Variants in MAP2K2 observed in about 807,000 individuals in gnomAD.
The protein encoded by MAP2K2 is dual specificity mitogen-activated protein kinase kinase 2.
A neutral mutation model predicts 43.7 loss-of-function variants in MAP2K2; 24 were observed. The ratio of observed to expected loss-of-function variants is 0.55; its 90% CI spans 0.40 to 0.77. The LOEUF (loss-of-function observed/expected upper bound fraction) is 0.77. MAP2K2 is among the 30% of genes least tolerant of loss of function. MAP2K2 has a pLI of 0.00. For missense variants in MAP2K2, 470 were observed against 566.8 expected (o/e 0.83, Z 1.73); for synonymous variants, 244 against 239.7 (o/e 1.02, Z -0.17).
chr19:4,097,569 G>T (rs1419287302), intron 7 of MAP2K2, among the ~76,000 whole-genome samples: 3 of 152,196 alleles, frequency 2.0e-5, no homozygotes, highest in African/African-American at 7.2e-5. Flanking sequence ...TTAAAAAAAA[G>T]GCAAAAGGAA....
intron 2 of MAP2K2, among the ~76,000 whole-genome samples, chr19:4,112,073 C>G (rs1242425894): frequency 1.3e-5 from 2 of 152,228 alleles, no homozygotes; most frequent in Non-Finnish European, 2.9e-5. Context: ...CAAGGAGCAG[C>G]CTGAGGCTTT....
At chr19:4,108,943 A>G (rs371701851) in intron 3 of MAP2K2, among the ~76,000 whole-genome samples, 3 of 152,186 alleles carry the variant, frequency 2.0e-5, no homozygotes, top group Non-Finnish European at 2.9e-5. Context: ...GCCGCCGGCA[A>G]CGTGACTCTG....
chr19:4,092,048 C>T (rs1322810164), intron 10 of MAP2K2, among the ~76,000 whole-genome samples: 2 of 151,866 alleles, frequency 1.3e-5, no homozygotes, highest in South Asian at 2.1e-4. Context: ...GGGAGGAGGG[C>T]GGGTGCCCTT....
chr19:4,091,297 G>C (rs369042282), intron 10 of MAP2K2, among the ~76,000 whole-genome samples: 1 of 152,310 alleles, frequency 6.6e-6, no homozygotes, highest in African/African-American at 2.4e-5. Flanking sequence ...CCCATGGCTT[G>C]AGAACAAAAG....
At chr19:4,120,395 C>T (rs1419402692) in intron 1 of MAP2K2, among the ~76,000 whole-genome samples, 1 of 152,210 alleles carries the variant, frequency 6.6e-6, no homozygotes, top group Admixed American at 6.5e-5. Flanking sequence ...CTCACTGCAA[C>T]CTCTGCCTCC....
chr19:4,117,497 G>A lies in MAP2K2; in HGVS notation c.225C>T (p.Ile75=), dbSNP rs561400866. 8.9e-5 allele frequency: 144 copies of A among 1,614,174 alleles called. No individual in the cohort carries two copies. The South Asian group carries it at 1.4e-3, about 16-fold the overall frequency. The part of the protein sequence containing the change: ...GELKDDDFER[I]SELGAGNGGV... ...CGCCGTTGCCCGCGCCCAGCTCTGA[G>A]ATCCTTTCGAAGTCATCGTCTTTGA... The change falls in exon 2 of 11, where the codon ATC becomes ATT. Residue 75 remains isoleucine, a synonymous_variant. Coordinates refer to ENST00000262948, the MANE Select transcript of MAP2K2 (RefSeq NM_030662.4).
chr19:4,110,359 T>C (rs2041138173), intron 3 of MAP2K2, 150 bp downstream of exon 3: 2 of 910,226 alleles, frequency 2.2e-6, no homozygotes, highest in African/African-American at 1.7e-5. Flanking sequence ...ATATACATAC[T>C]TGTATGGCAT....
rs1312814035 is a variant in MAP2K2 at position 4,099,319 on chromosome 19, G to A, written c.801C>T (p.Ile267=). The change falls in exon 7 of 11, where the codon ATC becomes ATT. Residue 267 remains isoleucine, a synonymous_variant. Coordinates refer to ENST00000262948, the MANE Select transcript of MAP2K2 (RefSeq NM_030662.4). ...CCAGCTCTTTGGCGTCGGGCGGGGG[G>A]ATGGGGTACCTTCCGACGGCCAGCT... ...LVELAVGRYP[I]PPPDAKELEA... 1.2e-6 allele frequency: 2 copies of A among 1,608,918 alleles called. No individual in the cohort carries two copies. The highest frequency in any genetic ancestry group is 8.5e-7 in the Non-Finnish European group (1 of 1,178,018).
intron 3 of MAP2K2, among the ~76,000 whole-genome samples, chr19:4,108,024 G>A (rs1368531947): frequency 6.6e-6 from 1 of 152,184 alleles, no homozygotes; most frequent in East Asian, 1.9e-4. Flanking sequence ...CCTCACTGGG[G>A]TGGCCTGGGA....
At chr19:4,104,168 G>C (rs2041054110) in intron 3 of MAP2K2, among the ~76,000 whole-genome samples, 1 of 151,722 alleles carries the variant, frequency 6.6e-6, no homozygotes, top group African/African-American at 2.4e-5. Context: ...GGGAGGCTGA[G>C]GCAGGAAGAT....
chr19:4,108,802 G>A (rs571499766), intron 3 of MAP2K2, among the ~76,000 whole-genome samples: 20 of 152,256 alleles, frequency 1.3e-4, no homozygotes, highest in African/African-American at 4.6e-4. Flanking sequence ...CCTGAGTAGC[G>A]AGGGTGCCTG....
At chr19:4,102,708 C>T (rs1318072282) in intron 3 of MAP2K2, 20 of 1,204,558 alleles carry the variant, frequency 1.7e-5, no homozygotes, top group Non-Finnish European at 1.7e-5. Context: ...GAATCAGTTG[C>T]GTGACTCGGC....
intron 7 of MAP2K2, among the ~76,000 whole-genome samples, chr19:4,098,881 G>A (rs1191352382): frequency 6.6e-6 from 1 of 152,264 alleles, no homozygotes; most frequent in African/African-American, 2.4e-5. Flanking sequence ...ACTTTTCTGT[G>A]CGTTTGAATG....
chr19:4,116,901 C>T (rs1419364870), intron 2 of MAP2K2, among the ~76,000 whole-genome samples: 1 of 152,120 alleles, frequency 6.6e-6, no homozygotes, highest in Non-Finnish European at 1.5e-5. Context: ...TGCACTCCAG[C>T]CTGGGCAACA....
chr19:4,094,764 C>A (rs1191980128), intron 9 of MAP2K2: 12 of 543,944 alleles, frequency 2.2e-5, no homozygotes, highest in Non-Finnish European at 1.7e-5. Flanking sequence ...CCTGGTGGGT[C>A]AGAAGCCTGG....
chr19:4,100,871 G>A lies in MAP2K2; in HGVS notation c.705+148C>T, dbSNP rs545384449. On this transcript the variant is annotated intron_variant, in intron 6 of 10. Coordinates refer to ENST00000262948, the MANE Select transcript of MAP2K2 (RefSeq NM_030662.4). ...GAAAGCCTCGTGGGAGGCGGGGAGA[G>A]CTGCGCAGGAGAACTGGGAGGGACA... The A allele has an allele frequency of 3.2e-5, 29 of 907,668 alleles. No homozygotes were observed. In the East Asian group the frequency reaches 6.4e-4, roughly 20 times the overall value. The allele number at this position is 907,668 out of a possible 1,614,324, so 56.2% of individuals were successfully genotyped here.
At chr19:4,094,748 A>C (rs1479640755) in intron 9 of MAP2K2, 3 of 544,286 alleles carry the variant, frequency 5.5e-6, no homozygotes, top group Non-Finnish European at 1.0e-5. Context: ...AGGGTGGGAA[A>C]CCCCGCCTGG....
At chr19:4,096,684 C>A (rs765865594) in intron 8 of MAP2K2, among the ~76,000 whole-genome samples, 2 of 152,194 alleles carry the variant, frequency 1.3e-5, no homozygotes, top group African/African-American at 2.4e-5. Flanking sequence ...TACCTTTCTC[C>A]GTGGAAGCGG....
intron 2 of MAP2K2, among the ~76,000 whole-genome samples, chr19:4,113,736 G>A (rs1599303588): frequency 6.6e-6 from 1 of 152,198 alleles, no homozygotes; most frequent in Non-Finnish European, 1.5e-5. Context: ...GGTTGCTACA[G>A]AAGAATGAGG....
Sources: gnomAD v4.1 joint callset for allele counts (sites outside exome capture counted in the v4.1 genomes callset) on GRCh38, gnomAD v4.1.1 for gene constraint, MANE v1.5 for transcripts, NCBI Gene and HGNC (gene_info 2026-07-23, HGNC 2026-07-21) for gene names.